Variants in DDX1 observed in about 807,000 individuals in gnomAD.
The protein encoded by DDX1 is ATP-dependent RNA helicase DDX1.
Under a neutral mutation model 108.7 loss-of-function variants are expected in DDX1, and 28 were observed. That is an observed-to-expected ratio of 0.26 (90% CI 0.19 to 0.35). The LOEUF (loss-of-function observed/expected upper bound fraction) is 0.35, where lower values mean the gene tolerates loss of function less well. DDX1 is among the 10% of genes least tolerant of loss of function. The probability of loss-of-function intolerance (pLI) is 1.00; values close to 1 mark genes in which losing one functional copy is unlikely to be tolerated. For missense variants in DDX1, 710 were observed against 884.5 expected, an observed-to-expected ratio of 0.80 and a Z score of 2.50; for synonymous variants, 295 against 288.9, an observed-to-expected ratio of 1.02 and a Z score of -0.21.
At chr2:15,611,515 T>C in intron 13 of DDX1, among the ~76,000 whole-genome samples, 1 of 133,004 alleles carries the variant, frequency 7.5e-6, no homozygotes, top group Non-Finnish European at 1.6e-5. Flanking sequence ...GGCAGGGGGC[T>C]GACCCCCCCA....
At chr2:15,618,304 G>T in intron 16 of DDX1, 34 bp downstream of exon 16, 1 of 1,074,170 alleles carries the variant, frequency 9.3e-7, no homozygotes. Context: ...TAAAATGCAT[G>T]TAAACAATTG....
At chr2:15,613,129 T>C (rs369534632) in intron 13 of DDX1, 95 bp from the exon 14 acceptor site, 2 of 850,712 alleles carry the variant, frequency 2.4e-6, no homozygotes, top group East Asian at 5.9e-5. Context: ...TTCTCAACCT[T>C]AATTTCCACC....
chr2:15,613,320 A>G (rs200577655), intron 14 of DDX1, 36 bp downstream of exon 14: 280 of 1,463,136 alleles, frequency 1.9e-4, no homozygotes, highest in Non-Finnish European at 2.3e-4. Flanking sequence ...ACATAATGTC[A>G]TGGGCTGTCG....
At chr2:15,599,991 A>G (rs957429856) in intron 6 of DDX1, among the ~76,000 whole-genome samples, 3 of 151,812 alleles carry the variant, frequency 2.0e-5, no homozygotes, top group Admixed American at 6.6e-5. Context: ...TGCTGACACG[A>G]TCCATCTGGA....
intron 19 of DDX1, among the ~76,000 whole-genome samples, chr2:15,624,915 C>T (rs886749880): frequency 1.3e-5 from 2 of 152,082 alleles, no homozygotes; most frequent in African/African-American, 4.8e-5. Context: ...TTTTATAAAG[C>T]TAAAAATGCT....
chr2:15,619,856 C>T (rs1427634112), intron 16 of DDX1, among the ~76,000 whole-genome samples: 1 of 152,184 alleles, frequency 6.6e-6, no homozygotes, highest in African/African-American at 2.4e-5. Flanking sequence ...TTGTTGTCTT[C>T]TCTGTAGTTA....
intron 23 of DDX1, among the ~76,000 whole-genome samples, chr2:15,629,384 A>G (rs966999712): frequency 6.6e-6 from 1 of 152,182 alleles, no homozygotes; most frequent in Non-Finnish European, 1.5e-5. Context: ...CACCCATTTT[A>G]GGAAAACTTT....
intron 10 of DDX1, among the ~76,000 whole-genome samples, chr2:15,605,205 A>G (rs1253325510): frequency 6.6e-6 from 1 of 152,150 alleles, no homozygotes; most frequent in Non-Finnish European, 1.5e-5. Flanking sequence ...TGTTGAAGAC[A>G]CATTGGAGGG....
At chr2:15,613,663 A>T (rs1019562261) in intron 14 of DDX1, among the ~76,000 whole-genome samples, 2 of 152,044 alleles carry the variant, frequency 1.3e-5, no homozygotes, top group South Asian at 4.2e-4. Context: ...TCCTGCAGTG[A>T]CTCTTGGGAA....
At chr2:15,605,900 G>A (rs1573040281) in intron 10 of DDX1, 50 bp from the exon 11 acceptor site, 1 of 1,250,174 alleles carries the variant, frequency 8.0e-7, no homozygotes, top group Non-Finnish European at 1.1e-6. Context: ...TCAGCATGAG[G>A]AAGGTCTTTT....
At chr2:15,597,127 T>G (rs570844082) in intron 4 of DDX1, among the ~76,000 whole-genome samples, 2 of 152,328 alleles carry the variant, frequency 1.3e-5, no homozygotes, top group East Asian at 3.9e-4. Flanking sequence ...TCCTCTTTAG[T>G]GTAGGTTCAT....
chr2:15,618,326 G>T, intron 16 of DDX1, 56 bp downstream of exon 16: 1 of 897,966 alleles, frequency 1.1e-6, no homozygotes, highest in Non-Finnish European at 1.8e-6. Context: ...TATGTATAAT[G>T]TTACGGGATC....
intron 13 of DDX1, among the ~76,000 whole-genome samples, chr2:15,608,663 GTTTT>G (rs569566545): frequency 9.4e-6 from 1 of 106,728 alleles, no homozygotes; most frequent in Non-Finnish European, 1.8e-5. Context: ...TTTTTTTTAG[GTTTT>G]TTTTTTTTTT....
In DDX1 at chr2:15,620,330, T is replaced by A. The variant is rs1573048939; in HGVS notation, c.1329T>A (p.His443Gln). 1 of 1,613,944 alleles carries A rather than the reference T, an allele frequency of 6.2e-7. No homozygotes were observed. Among genetic ancestry groups the A allele is most frequent in the African/African-American group, 1.3e-5 (1 of 74,930 alleles). Residue 443 changes from histidine (H) to glutamine (Q), a missense_variant, in exon 17 of 26, where the codon CAT becomes CAA. By Grantham distance (24) the His-to-Gln change is conservative (BLOSUM62 0). Transcript: ENST00000233084. ...ACTCTGTTCCAGATACTGTACACCATGTTGTTGTCCCAGTAAATCCCAAAA... is the reference window on the plus strand; with the variant it reads ...ACTCTGTTCCAGATACTGTACACCAAGTTGTTGTCCCAGTAAATCCCAAAA... The part of the protein sequence containing the change: ...GEDSVPDTVH[H>Q]VVVPVNPKTD...
At chr2:15,599,370 G>A (rs1007225829) in intron 5 of DDX1, among the ~76,000 whole-genome samples, 7 of 151,096 alleles carry the variant, frequency 4.6e-5, no homozygotes, top group African/African-American at 1.5e-4. Context: ...GCAGTGGCTC[G>A]ATCTCTGCTC....
chr2:15,628,729 TTC>T lies in DDX1; in HGVS notation c.1832+20_1832+21del. ...CTGAAAGGTACTTCTGCAATTTTTT[TTC>T]CCCCATTTTTAAGCTTGTATGCTTT... On this transcript the variant is annotated intron_variant, in intron 22 of 25. Transcript: ENST00000233084. The T allele has an allele frequency of 6.2e-7, 1 of 1,613,478 alleles. No individual in the cohort carries two copies. The highest frequency in any genetic ancestry group is 8.5e-7 in the Non-Finnish European group (1 of 1,179,582).
chr2:15,613,304 T>C lies in DDX1; in HGVS notation c.1017+20T>C, dbSNP rs775500027. 1.9e-6 allele frequency: 3 copies of C among 1,569,480 alleles called. No individual in the cohort carries two copies. The East Asian group carries it at 6.7e-5, about 35-fold the overall frequency. The stretch of plus-strand genomic sequence containing the variant: ...AATGGAGTAAGTTGTAGTTTTAATT[T>C]TTAAAACATAATGTCATGGGCTGTC... On this transcript the variant is annotated intron_variant, in intron 14 of 25. Transcript: ENST00000233084.
intron 18 of DDX1, 110 bp from the exon 19 acceptor site, chr2:15,623,326 T>G: frequency 3.2e-6 from 3 of 932,978 alleles, no homozygotes; most frequent in Non-Finnish European, 4.8e-6. Context: ...TTAAAACAAG[T>G]ATTCTTTTTT....
At chr2:15,612,169 C>T (rs1406033761) in intron 13 of DDX1, among the ~76,000 whole-genome samples, 3 of 150,344 alleles carry the variant, frequency 2.0e-5, no homozygotes, top group Non-Finnish European at 4.4e-5. Flanking sequence ...CTGGACGGGG[C>T]GGCTGGCCTG....
Sources: gnomAD v4.1 joint callset for allele counts (sites outside exome capture counted in the v4.1 genomes callset) on GRCh38, gnomAD v4.1.1 for gene constraint, MANE v1.5 for transcripts, NCBI Gene and HGNC (gene_info 2026-07-23, HGNC 2026-07-21) for gene names.